The following TMTC2 variants were observed in gnomAD, a reference collection of about 807,000 sequenced individuals.
TMTC2 encodes the protein transmembrane O-mannosyltransferase targeting cadherins 2.
In TMTC2, 43 loss-of-function variants were observed where a neutral mutation model predicts 82.4. That is an observed-to-expected ratio of 0.52 (90% CI 0.41 to 0.67). TMTC2 has a LOEUF of 0.67. Ranked by LOEUF, TMTC2 falls within the 30% of genes least tolerant of loss-of-function variation. The pLI, the probability that TMTC2 is intolerant of heterozygous loss-of-function variation, is 0.00. For synonymous variants in TMTC2, 408 were observed against 381.9 expected (o/e 1.07, Z -0.80); for missense variants, 919 against 1,012.4 (o/e 0.91, Z 1.25).
At chr12:82,745,786 A>G (rs544168929) in intron 1 of TMTC2, among the ~76,000 whole-genome samples, 51 of 152,358 alleles carry the variant, frequency 3.3e-4, no homozygotes, top group South Asian at 1.2e-3. Context: ...TAAAGAATAA[A>G]TTATTTGAAT....
At chr12:83,091,939 A>G (rs1401113733) in intron 11 of TMTC2, among the ~76,000 whole-genome samples, 3 of 152,222 alleles carry the variant, frequency 2.0e-5, no homozygotes, top group African/African-American at 7.2e-5. Context: ...CTGGAAATAG[A>G]TATGTGATTA....
intron 2 of TMTC2, among the ~76,000 whole-genome samples, chr12:82,869,571 G>A (rs1872058612): frequency 6.6e-6 from 1 of 152,146 alleles, no homozygotes; most frequent in Non-Finnish European, 1.5e-5. Context: ...CGGGCATGGT[G>A]ACTCACACTT....
In TMTC2 at chr12:82,687,218, C is replaced by T; in HGVS notation, c.-369C>T. On this transcript the variant is annotated 5_prime_UTR_variant, in exon 1 of 12. Coordinates refer to ENST00000321196, the MANE Select transcript of TMTC2 (RefSeq NM_152588.3). ...CGCACCCTTCCACCTCCTCCGAGTC[C>T]CACTCCTCACCTAGGACGCCCCAAA... 3.4e-6 allele frequency: 1 copy of T among 293,452 alleles called. No homozygotes were observed. The highest frequency in any genetic ancestry group is 8.6e-5 in the East Asian group (1 of 11,656). 18.2% of individuals were successfully genotyped at this position (293,452 alleles called of 1,614,324 possible). A position where few individuals can be genotyped will look rare whatever the true frequency, so the allele number is the denominator to read the frequency against.
chr12:83,061,933 T>C, intron 11 of TMTC2, 102 bp downstream of exon 11: 2 of 916,426 alleles, frequency 2.2e-6, no homozygotes, highest in Non-Finnish European at 3.2e-6. Context: ...TTTTGTTTTG[T>C]TTTGTTTTGT....
intron 4 of TMTC2, among the ~76,000 whole-genome samples, chr12:82,931,259 T>G (rs1051296246): frequency 3.9e-5 from 6 of 152,128 alleles, no homozygotes; most frequent in Non-Finnish European, 1.5e-5. Flanking sequence ...AATTGCTGTA[T>G]CAAAGTATAT....
chr12:82,881,056 A>G (rs1409854970), intron 2 of TMTC2, among the ~76,000 whole-genome samples: 1 of 152,192 alleles, frequency 6.6e-6, no homozygotes, highest in Non-Finnish European at 1.5e-5. Flanking sequence ...ATCTTAATGA[A>G]AAAAATACGA....
intron 4 of TMTC2, among the ~76,000 whole-genome samples, chr12:82,938,014 A>C (rs1359464378): frequency 1.3e-5 from 2 of 148,706 alleles, no homozygotes; most frequent in African/African-American, 2.5e-5. Flanking sequence ...TCCCAGGTTC[A>C]AGCGATTTTC....
rs1213540189 is a variant in TMTC2 at position 82,997,412 on chromosome 12, G to GTGTATATA, written c.2070+11367_2070+11368insGTATATAT. Among the ~76,000 whole-genome samples the GTGTATATA allele has an allele frequency of 9.3e-3, 328 of 35,274 alleles. 6 individuals are homozygous for GTGTATATA. The highest frequency in any genetic ancestry group is 0.021 in the African/African-American group (310 of 14,658). The allele number at this position is 35,274 out of a possible 152,430, so 23.1% of individuals were successfully genotyped here. A position where few individuals can be genotyped will look rare whatever the true frequency, so the allele number is the denominator to read the frequency against. ...TATATATATGTGTATATATATATGTGTATATATATATATATACACACAGAG... is the reference window on the plus strand; with the variant it reads ...TATATATATGTGTATATATATATGTGTGTATATATATATATATATATATACACACAGAG... On this transcript the variant is annotated intron_variant, in intron 8 of 11. Coordinates refer to ENST00000321196, the MANE Select transcript of TMTC2 (RefSeq NM_152588.3).
intron 2 of TMTC2, 83 bp downstream of exon 2, chr12:82,857,663 TA>T: frequency 7.7e-7 from 1 of 1,299,552 alleles, no homozygotes; most frequent in South Asian, 1.5e-5. Context: ...AAAGCAAATT[TA>T]TTCCTCTGCA....
intron 2 of TMTC2, among the ~76,000 whole-genome samples, chr12:82,884,357 T>A (rs1872983198): frequency 1.3e-5 from 2 of 152,192 alleles, no homozygotes; most frequent in Non-Finnish European, 2.9e-5. Flanking sequence ...AAAAACCAAA[T>A]AGGATTTGAA....
chr12:82,776,172 G>A (rs370076178), intron 1 of TMTC2, among the ~76,000 whole-genome samples: 1 of 152,128 alleles, frequency 6.6e-6, no homozygotes, highest in East Asian at 1.9e-4. Context: ...GCTTATTCAC[G>A]TTAGCATTTT....
At chr12:82,860,723 G>A (rs1280467837) in intron 2 of TMTC2, among the ~76,000 whole-genome samples, 1 of 152,194 alleles carries the variant, frequency 6.6e-6, no homozygotes, top group African/African-American at 2.4e-5. Context: ...TTTGGCCTCT[G>A]CCTTCTTAAG....
chr12:82,887,946 G>A (rs1372065093), intron 2 of TMTC2, among the ~76,000 whole-genome samples: 1 of 152,144 alleles, frequency 6.6e-6, no homozygotes, highest in Non-Finnish European at 1.5e-5. Context: ...TGGCGTGGTG[G>A]CACATGCCTG....
intron 1 of TMTC2, among the ~76,000 whole-genome samples, chr12:82,724,038 T>C (rs1157103177): frequency 6.6e-6 from 1 of 152,224 alleles, no homozygotes; most frequent in African/African-American, 2.4e-5. Context: ...AAAGAACTTC[T>C]GGATTTGTTT....
At chr12:82,872,991 T>A (rs12316130) in intron 2 of TMTC2, among the ~76,000 whole-genome samples, 3,078 of 152,262 alleles carry the variant, frequency 0.02, 107 homozygotes, top group African/African-American at 0.071. Context: ...GTAACTGGAA[T>A]AAATAAAAAC....
At chr12:82,719,671 C>CTTTTTTTT (rs202235180) in intron 1 of TMTC2, among the ~76,000 whole-genome samples, 3 of 128,120 alleles carry the variant, frequency 2.3e-5, no homozygotes, top group Non-Finnish European at 4.8e-5. Context: ...GTCTCTCTGT[C>CTTTTTTTT]TTTTTTTTTT....
chr12:82,743,110 A>T (rs897086108), intron 1 of TMTC2, among the ~76,000 whole-genome samples: 1 of 152,188 alleles, frequency 6.6e-6, no homozygotes, highest in Non-Finnish European at 1.5e-5. Flanking sequence ...AAATGAGGAT[A>T]ATAATACCTG....
chr12:82,986,033 T>C lies in TMTC2; in HGVS notation c.2057T>C (p.Leu686Pro). 1 of 1,614,016 alleles carries C rather than the reference T, an allele frequency of 6.2e-7. No homozygotes were observed. The highest frequency in any genetic ancestry group is 1.7e-5 in the Admixed American group (1 of 60,020). Residue 686 changes from leucine to proline, a missense_variant, in exon 8 of 12, where the codon CTG becomes CCG. Transcript: ENST00000321196. ...CCTGCTCATCTCACCTATGGGAAGC[T>C]GCTAGCTCTAACAGTGAGTAACCGC... ...HIPAHLTYGK[L>P]LALTGRKSEA...
chr12:82,822,547 T>C (rs1869177752), intron 1 of TMTC2, among the ~76,000 whole-genome samples: 1 of 152,168 alleles, frequency 6.6e-6, no homozygotes, highest in Admixed American at 6.5e-5. Context: ...TTTACAAAGA[T>C]TGAGGGCTTT....
Sources: gnomAD v4.1 joint callset for allele counts (sites outside exome capture counted in the v4.1 genomes callset) on GRCh38, gnomAD v4.1.1 for gene constraint, MANE v1.5 for transcripts, NCBI Gene and HGNC (gene_info 2026-07-23, HGNC 2026-07-21) for gene names.